TAOK3: variants seen among roughly 807,000 people sequenced by gnomAD.
The protein encoded by TAOK3 is serine/threonine-protein kinase TAO3.
Under a neutral mutation model 120.4 loss-of-function variants are expected in TAOK3, and 40 were observed. The observed-to-expected ratio is 0.33, with a 90% CI of 0.26 to 0.43. TAOK3 has a LOEUF of 0.43. Among genes scored for constraint, TAOK3 ranks in the 20% least tolerant of loss-of-function variants. The pLI, the probability that TAOK3 is intolerant of heterozygous loss-of-function variation, is 1.00. For synonymous variants in TAOK3, 355 were observed against 387.5 expected, an observed-to-expected ratio of 0.92 and a Z score of 0.99; for missense variants, 821 against 1,112.1, an observed-to-expected ratio of 0.74 and a Z score of 3.72.
At chr12:118,348,880 C>G (rs1268903463) in intron 1 of TAOK3, among the ~76,000 whole-genome samples, 1 of 141,230 alleles carries the variant, frequency 7.1e-6, no homozygotes, top group Non-Finnish European at 1.5e-5. Context: ...ACGGGTCTCA[C>G]TCTTGTTGCC....
At chr12:118,325,344 T>C (rs116350235) in intron 1 of TAOK3, among the ~76,000 whole-genome samples, 3,456 of 152,326 alleles carry the variant, frequency 0.023, 103 homozygotes, top group East Asian at 0.071. Context: ...CCATCAACAG[T>C]GTACGAGGGT....
At chr12:118,306,768 A>C (rs1357954308) in intron 1 of TAOK3, among the ~76,000 whole-genome samples, 1 of 152,220 alleles carries the variant, frequency 6.6e-6, no homozygotes, top group South Asian at 2.1e-4. Context: ...TAATCATTCA[A>C]TTGTAAAGTA....
At chr12:118,240,229 G>C (rs1250404646) in intron 5 of TAOK3, among the ~76,000 whole-genome samples, 4 of 150,122 alleles carry the variant, frequency 2.7e-5, no homozygotes, top group Non-Finnish European at 4.4e-5. Flanking sequence ...GCCCAGGCTG[G>C]AGTGCAATGG....
chr12:118,357,719 CTG>C (rs1228119679), intron 1 of TAOK3, among the ~76,000 whole-genome samples: 1 of 152,152 alleles, frequency 6.6e-6, no homozygotes, highest in Non-Finnish European at 1.5e-5. Flanking sequence ...CAAGCTATGA[CTG>C]GGATATTTCT....
At chr12:118,275,316 G>A (rs2041866791) in intron 1 of TAOK3, among the ~76,000 whole-genome samples, 1 of 151,794 alleles carries the variant, frequency 6.6e-6, no homozygotes, top group African/African-American at 2.4e-5. Context: ...CTTATTTTTT[G>A]TAGAGATAGG....
intron 1 of TAOK3, among the ~76,000 whole-genome samples, chr12:118,321,790 C>T (rs1414775433): frequency 6.6e-6 from 1 of 152,018 alleles, no homozygotes; most frequent in African/African-American, 2.4e-5. Flanking sequence ...ACAAAAGGAC[C>T]TAATGTCATC....
Position 118,244,888 on chromosome 12 carries a change from T to C in TAOK3, c.192+6A>G, listed in dbSNP as rs201155311. 179 of 1,597,476 alleles carry C rather than the reference T, an allele frequency of 1.1e-4. No homozygotes were observed. Among genetic ancestry groups the C allele is most frequent in the Admixed American group, 3.3e-4 (20 of 59,786 alleles). ...CAGTTTAGGTATACAACTGTCTCTA[T>C]CTCACCTCATGGGTCTGCTTCCCAC... On this transcript the variant is annotated splice_donor_region_variant and intron_variant, in intron 4 of 20. Transcript: ENST00000392533.
At chr12:118,355,796 T>G (rs1382460026) in intron 1 of TAOK3, among the ~76,000 whole-genome samples, 1 of 152,190 alleles carries the variant, frequency 6.6e-6, no homozygotes, top group Non-Finnish European at 1.5e-5. Flanking sequence ...GTGGCCAAAA[T>G]TATGCTTTTC....
intron 15 of TAOK3, among the ~76,000 whole-genome samples, chr12:118,178,609 C>CTG: frequency 6.6e-6 from 1 of 152,142 alleles, no homozygotes; most frequent in East Asian, 1.9e-4. Context: ...AGGCACAAGC[C>CTG]ACCACATCCA....
At chr12:118,280,054 C>A (rs762046710) in intron 1 of TAOK3, among the ~76,000 whole-genome samples, 1 of 145,602 alleles carries the variant, frequency 6.9e-6, no homozygotes, top group East Asian at 2.1e-4. Context: ...CGTGAGCCAC[C>A]GCGCCCCACC....
At position 118,371,657 on chromosome 12, in the gene TAOK3, C is replaced by T. The variant is rs1275720393; in HGVS notation, c.-194+991G>A. Among the ~76,000 whole-genome samples the T allele has an allele frequency of 6.6e-6, 1 of 152,218 alleles. No homozygotes were observed. The highest frequency in any genetic ancestry group is 1.5e-5 in the Non-Finnish European group (1 of 67,974). ...TCCTATTTGCCCGACGCCGCGACTG[C>T]GACCCAGGCTCCCCGCCGCAGCCGT... On this transcript the variant is annotated intron_variant, in intron 1 of 20. Transcript: ENST00000392533. The surrounding 1 kb of genome is among the most constrained non-coding windows in gnomAD (Gnocchi z 5.5).
chr12:118,247,862 A>G (rs985753309), intron 3 of TAOK3, among the ~76,000 whole-genome samples: 21 of 152,218 alleles, frequency 1.4e-4, no homozygotes, highest in African/African-American at 4.8e-4. Flanking sequence ...TAAAATTTTC[A>G]TAAAAATAAA....
At chr12:118,295,560 T>A (rs1039424342) in intron 1 of TAOK3, among the ~76,000 whole-genome samples, 3 of 152,226 alleles carry the variant, frequency 2.0e-5, no homozygotes, top group Non-Finnish European at 4.4e-5. Context: ...AAAATGTACA[T>A]GTTTTCTCTC....
intron 1 of TAOK3, among the ~76,000 whole-genome samples, chr12:118,288,872 C>T (rs903659833): frequency 7.4e-6 from 1 of 135,306 alleles, no homozygotes; most frequent in Non-Finnish European, 1.5e-5. Flanking sequence ...GCCGAGATTA[C>T]ACCGTTGCAC....
chr12:118,242,968 C>T (rs2040320503), intron 5 of TAOK3, among the ~76,000 whole-genome samples: 1 of 151,536 alleles, frequency 6.6e-6, no homozygotes, highest in South Asian at 2.1e-4. Flanking sequence ...AATAAGATGA[C>T]AGAGTGGAAC....
At position 118,299,879 on chromosome 12, in the gene TAOK3, A is replaced by C. The variant is rs576990717; in HGVS notation, c.-193-33120T>G. On this transcript the variant is annotated intron_variant, in intron 1 of 20. Transcript: ENST00000392533. ...CTTTCTGGCTGACATCTAGGAAAAC[A>C]ACCTCAGTTACAATATAATTGTACT... 5.3e-5 allele frequency among the ~76,000 whole-genome samples: 8 copies of C among 152,290 alleles called. No individual in the cohort carries two copies. The East Asian group carries it at 1.4e-3, about 26-fold the overall frequency.
chr12:118,197,851 C>A (rs574025209), intron 13 of TAOK3, among the ~76,000 whole-genome samples: 1 of 152,120 alleles, frequency 6.6e-6, no homozygotes. Flanking sequence ...CCACACCCGG[C>A]TAATTTTTTG....
chr12:118,335,417 C>T (rs1316588086), intron 1 of TAOK3, among the ~76,000 whole-genome samples: 4 of 152,148 alleles, frequency 2.6e-5, no homozygotes, highest in Admixed American at 6.5e-5. Flanking sequence ...AAACCACAAA[C>T]TGATATCTTG....
chr12:118,253,346 T>A (rs1020384456), intron 3 of TAOK3, among the ~76,000 whole-genome samples: 1 of 152,226 alleles, frequency 6.6e-6, no homozygotes, highest in Non-Finnish European at 1.5e-5. Flanking sequence ...AAGAAATTAT[T>A]TGATTACAAG....
Sources: allele counts gnomAD v4.1 joint callset (sites outside exome capture counted in the v4.1 genomes callset), GRCh38; gene constraint gnomAD v4.1.1; non-coding constraint Gnocchi (gnomAD v3.1); transcripts MANE v1.5; gene names NCBI Gene and HGNC (gene_info 2026-07-23, HGNC 2026-07-21).